The following VPS13C variants were observed in gnomAD, a reference collection of about 807,000 sequenced individuals.
The protein encoded by VPS13C is intermembrane lipid transfer protein VPS13C.
In VPS13C, 358 loss-of-function variants were observed where a neutral mutation model predicts 456.8. The observed-to-expected ratio is 0.78, with a 90% CI of 0.72 to 0.86. The LOEUF is 0.86. Ranked by LOEUF, VPS13C falls within the 40% of genes least tolerant of loss-of-function variation. VPS13C has a pLI of 0.00. For missense variants in VPS13C, 4,818 were observed against 4,385.4 expected (o/e 1.10, Z -2.79); for synonymous variants, 1,578 against 1,486.7 (o/e 1.06, Z -1.41).
At position 62,031,327 on chromosome 15, in the gene VPS13C, GC is replaced by G. The variant is rs199876383; in HGVS notation, c.385+2113del. ...TGAGTCCCTATACATGTGCAATGGT[GC>G]TTTTGTGCTTTTAATATCAATAAAC... On this transcript the variant is annotated intron_variant, in intron 5 of 84. Coordinates refer to ENST00000644861, the MANE Select transcript of VPS13C (RefSeq NM_020821.3). Among the ~76,000 whole-genome samples, 646 of 151,940 alleles carry G rather than the reference GC, an allele frequency of 4.3e-3. 6 individuals carry two copies. Among genetic ancestry groups the G allele is most frequent in the African/African-American group, 0.014 (577 of 41,480 alleles).
chr15:61,881,533 T>C, intron 71 of VPS13C, 30 bp downstream of exon 71: 2 of 1,552,978 alleles, frequency 1.3e-6, no homozygotes, highest in Non-Finnish European at 1.7e-6. Flanking sequence ...TTTAAATTCT[T>C]TTAGAGAAAC....
At position 61,854,249 on chromosome 15, in the gene VPS13C, T is replaced by C; in HGVS notation, c.*208A>G. 1.7e-6 allele frequency: 1 copy of C among 585,726 alleles called. No homozygotes were observed. Among genetic ancestry groups the C allele is most frequent in the Non-Finnish European group, 3.0e-6 (1 of 329,152 alleles). The allele number at this position is 585,726 out of a possible 1,614,324, so 36.3% of individuals were successfully genotyped here. A position where few individuals can be genotyped will look rare whatever the true frequency, so the allele number is the denominator to read the frequency against. ...GGTCTGACCCATTTGGGTGGTGGCG[T>C]AGAAGTGGACTGCTAGCATATACAT... On this transcript the variant is annotated 3_prime_UTR_variant, in exon 85 of 85. Transcript: ENST00000644861.
At chr15:61,882,482 C>A (rs1895931265) in intron 69 of VPS13C, 114 bp downstream of exon 69, 2 of 1,073,074 alleles carry the variant, frequency 1.9e-6, no homozygotes, top group East Asian at 6.3e-5. Context: ...AAAAAACATA[C>A]AAACAAAGAA....
rs766749592 is a variant in VPS13C, at chr15:61,941,848, A to G, written c.5368T>C (p.Phe1790Leu). Residue 1790 changes from phenylalanine to leucine, a missense_variant, in exon 46 of 85, where the codon TTT (phenylalanine) becomes CTT (leucine). Physicochemically the swap from Phe to Leu is conservative, Grantham distance 22. Around this residue, in one of 3 missense-constraint regions of VPS13C, gnomAD observed 4,552 missense variants for 4,130.6 expected, o/e 1.10. Coordinates refer to ENST00000644861, the MANE Select transcript of VPS13C (RefSeq NM_020821.3). ...DLGLIRVENK[F>L]SLVPMEHYSL... ...TAATGTTCCATAGGAACCAAGCTAA[A>G]CTTGTTTTCAACTCTGATTAAACCC... The G allele has an allele frequency of 2.5e-6, 4 of 1,613,838 alleles. No individual in the cohort carries two copies. In the Admixed American group the frequency reaches 5.0e-5, roughly 20 times the overall value.
intron 15 of VPS13C, among the ~76,000 whole-genome samples, chr15:62,001,634 G>C (rs2046620192): frequency 6.6e-6 from 1 of 152,030 alleles, no homozygotes; most frequent in Non-Finnish European, 1.5e-5. Context: ...TTGTCATCTA[G>C]CATTAGGTAT....
chr15:61,946,218 T>C, intron 44 of VPS13C, 89 bp downstream of exon 44: 1 of 1,017,700 alleles, frequency 9.8e-7, no homozygotes, highest in Non-Finnish European at 1.4e-6. Context: ...ACATGACAGA[T>C]AATAAATGTA....
intron 3 of VPS13C, 39 bp from the exon 4 acceptor site, chr15:62,035,091 C>T (rs1336734474): frequency 2.0e-6 from 3 of 1,481,110 alleles, no homozygotes; most frequent in Admixed American, 3.5e-5. Context: ...TATTATTTGA[C>T]TGCTCAAGAA....
At chr15:62,019,002 T>C (rs896817824) in intron 9 of VPS13C, among the ~76,000 whole-genome samples, 1 of 152,210 alleles carries the variant, frequency 6.6e-6, no homozygotes, top group Non-Finnish European at 1.5e-5. Context: ...AACTTCTTCC[T>C]GGTTTAGTCT....
At chr15:61,949,206 T>C (rs1361264997) in intron 42 of VPS13C, among the ~76,000 whole-genome samples, 1 of 152,198 alleles carries the variant, frequency 6.6e-6, no homozygotes, top group Admixed American at 6.5e-5. Flanking sequence ...TTCTATTTTA[T>C]GTAAAAGCTA....
At chr15:61,865,007 ATAATT>A in intron 81 of VPS13C, 1 of 984,560 alleles carries the variant, frequency 1.0e-6, no homozygotes, top group Non-Finnish European at 1.2e-6. Context: ...TTTTTAAAAT[ATAATT>A]TATCACCATA....
intron 38 of VPS13C, among the ~76,000 whole-genome samples, chr15:61,952,481 T>A (rs1211302083): frequency 1.3e-5 from 2 of 152,148 alleles, no homozygotes; most frequent in African/African-American, 4.8e-5. Context: ...AAAGAATATT[T>A]AAAAGGTCTT....
chr15:61,967,498 G>A (rs1258108883), intron 28 of VPS13C, 51 bp from the exon 29 acceptor site: 8 of 1,387,138 alleles, frequency 5.8e-6, no homozygotes, highest in Non-Finnish European at 3.0e-6. Flanking sequence ...TTGCTCTTTT[G>A]TAATTTGAAA....
At position 61,853,485 on chromosome 15, in the gene VPS13C, A is replaced by G. The variant is rs1893749958; in HGVS notation, c.*972T>C. On this transcript the variant is annotated 3_prime_UTR_variant, in exon 85 of 85. Transcript: ENST00000644861. ...ATGAATGCTACATTACAGAGGGCAG[A>G]GTGTAGCTATTTTAAGGTTTGATTG... 3 of 152,216 alleles carry G rather than the reference A, an allele frequency of 2.0e-5. No individual in the cohort carries two copies. Among genetic ancestry groups the G allele is most frequent in the South Asian group, 4.1e-4 (2 of 4,828 alleles). 9.4% of individuals were successfully genotyped at this position (152,216 alleles called of 1,614,324 possible). A position where few individuals can be genotyped will look rare whatever the true frequency, so the allele number is the denominator to read the frequency against.
intron 52 of VPS13C, among the ~76,000 whole-genome samples, chr15:61,926,640 C>T (rs920877615): frequency 2.6e-5 from 4 of 152,140 alleles, no homozygotes; most frequent in Admixed American, 2.6e-4. Context: ...AATTAACTGA[C>T]TAAAATCATA....
intron 18 of VPS13C, 40 bp from the exon 19 acceptor site, chr15:61,985,039 A>G: frequency 1.5e-6 from 2 of 1,305,520 alleles, no homozygotes; most frequent in Non-Finnish European, 2.0e-6. Flanking sequence ...TAAAGTTTAA[A>G]TAATTATTAC....
chr15:62,054,040 T>A (rs2048709768), intron 1 of VPS13C, among the ~76,000 whole-genome samples: 1 of 152,216 alleles, frequency 6.6e-6, no homozygotes. Flanking sequence ...CTCTCCACAG[T>A]AAATCATTTT....
chr15:61,951,812 T>C lies in VPS13C; in HGVS notation c.4456+12A>G. On this transcript the variant is annotated intron_variant, in intron 39 of 84. Coordinates refer to ENST00000644861, the MANE Select transcript of VPS13C (RefSeq NM_020821.3). ...TAATGAATAATTTACACAGACAATA[T>C]TTCACACTTACCAGTGAAATCAAAG... The C allele has an allele frequency of 1.2e-6, 2 of 1,605,178 alleles. No individual in the cohort carries two copies. The highest frequency in any genetic ancestry group is 2.7e-5 in the African/African-American group (2 of 74,702).
intron 18 of VPS13C, among the ~76,000 whole-genome samples, chr15:61,985,407 C>A (rs1301783682): frequency 6.6e-6 from 1 of 152,084 alleles, no homozygotes; most frequent in African/African-American, 2.4e-5. Context: ...CAGGTGCCCG[C>A]CACCATGCCA....
chr15:62,032,242 A>T (rs1230535869), intron 5 of VPS13C, among the ~76,000 whole-genome samples: 1 of 151,642 alleles, frequency 6.6e-6, no homozygotes, highest in African/African-American at 2.4e-5. Flanking sequence ...TAATTAGCCA[A>T]AATTGAATAT....
Sources: gnomAD v4.1 joint callset for allele counts (sites outside exome capture counted in the v4.1 genomes callset) on GRCh38, gnomAD v4.1.1 for gene constraint, gnomAD v4.1.1 regional missense constraint, MANE v1.5 for transcripts, NCBI Gene and HGNC (gene_info 2026-07-23, HGNC 2026-07-21) for gene names.